Variants in LOC102723971 observed in about 807,000 individuals in gnomAD.
the LOC102723971 span, chr9:135,618,982 T>C: frequency 9.9e-6 from 4 of 402,224 alleles, no homozygotes; most frequent in Admixed American, 1.3e-4. Context: ...GGAGTCTTCC[T>C]GCCTGGGCCC....
At chr9:135,617,523 C>T in the LOC102723971 span, among the ~76,000 whole-genome samples, 1 of 151,036 alleles carries the variant, frequency 6.6e-6, no homozygotes, top group African/African-American at 2.4e-5. Context: ...AGCCGGAGCC[C>T]GAGCCCAGGA....
the LOC102723971 span, among the ~76,000 whole-genome samples, chr9:135,618,423 G>A: frequency 1.3e-5 from 2 of 152,140 alleles, no homozygotes; most frequent in Non-Finnish European, 2.9e-5. Flanking sequence ...GGCCAGGCCT[G>A]TTCTGGGAGT....
the LOC102723971 span, among the ~76,000 whole-genome samples, chr9:135,618,627 T>C: frequency 6.6e-6 from 1 of 150,904 alleles, no homozygotes; most frequent in East Asian, 2.0e-4. Context: ...TGAGATGAGG[T>C]GAGGGAGGAA....
At chr9:135,617,064 C>T in the LOC102723971 span, 9 of 398,444 alleles carry the variant, frequency 2.3e-5, no homozygotes, top group Non-Finnish European at 4.0e-5. Flanking sequence ...TGCCTCAGAC[C>T]CCAGACATGA....
the LOC102723971 span, among the ~76,000 whole-genome samples, chr9:135,616,428 T>C: frequency 1.5e-4 from 23 of 152,276 alleles, no homozygotes; most frequent in South Asian, 4.8e-3. Flanking sequence ...CCCTTGAGTC[T>C]GGGGAGCTGA....
At chr9:135,618,595 G>A in the LOC102723971 span, among the ~76,000 whole-genome samples, 2 of 152,038 alleles carry the variant, frequency 1.3e-5, no homozygotes, top group Admixed American at 6.5e-5. Context: ...GTGTGAGCAC[G>A]GGCCGCCAGG....
the LOC102723971 span, among the ~76,000 whole-genome samples, chr9:135,618,776 C>T: frequency 6.6e-6 from 1 of 151,942 alleles, no homozygotes; most frequent in Non-Finnish European, 1.5e-5. Context: ...AGCACAGGGC[C>T]CTGGCAGGAC....
At chr9:135,617,063 C>A in the LOC102723971 span, 1 of 398,582 alleles carries the variant, frequency 2.5e-6, no homozygotes, top group Non-Finnish European at 4.4e-6. Flanking sequence ...GTGCCTCAGA[C>A]CCCAGACATG....
At chr9:135,618,962 T>G in the LOC102723971 span, 1 of 400,642 alleles carries the variant, frequency 2.5e-6, no homozygotes, top group Non-Finnish European at 4.4e-6. Flanking sequence ...AGCCTAGGTC[T>G]GGCGGTTCTG....
the LOC102723971 span, among the ~76,000 whole-genome samples, chr9:135,617,755 C>T: frequency 6.6e-6 from 1 of 152,130 alleles, no homozygotes; most frequent in African/African-American, 2.4e-5. Flanking sequence ...TCAGAGCTGG[C>T]CGGGCCTGGG....
the LOC102723971 span, among the ~76,000 whole-genome samples, chr9:135,619,755 T>G: frequency 6.6e-6 from 1 of 151,968 alleles, no homozygotes; most frequent in African/African-American, 2.4e-5. Context: ...GGGCAGGCTC[T>G]GAGGAAATTG....
At chr9:135,617,093 C>T in the LOC102723971 span, 5 of 398,000 alleles carry the variant, frequency 1.3e-5, no homozygotes, top group African/African-American at 1.0e-4. Flanking sequence ...CTGCTGGACA[C>T]TCCCGGCTCT....
the LOC102723971 span, chr9:135,615,432 T>A: frequency 2.5e-6 from 1 of 398,820 alleles, no homozygotes; most frequent in Non-Finnish European, 4.4e-6. Flanking sequence ...GCCGACCCCC[T>A]GAGGCTCGCT....
At chr9:135,617,979 T>G in the LOC102723971 span, 45 of 398,572 alleles carry the variant, frequency 1.1e-4, no homozygotes, top group Middle Eastern at 6.2e-4. Flanking sequence ...CCCAAATGGC[T>G]GGGAAGATAC....
the LOC102723971 span, among the ~76,000 whole-genome samples, chr9:135,618,196 G>A: frequency 3.8e-4 from 58 of 152,134 alleles, no homozygotes; most frequent in East Asian, 8.9e-3. Flanking sequence ...AGGGGCTGCC[G>A]GATCTTACCA....
chr9:135,614,421 C>T, the LOC102723971 span: 1 of 392,664 alleles, frequency 2.5e-6, no homozygotes, highest in East Asian at 3.6e-5. Flanking sequence ...TGAGGAGGTG[C>T]AGGGGGTGGG....
At chr9:135,614,259 C>T in the LOC102723971 span, 7 of 398,578 alleles carry the variant, frequency 1.8e-5, no homozygotes, top group Admixed American at 4.4e-5. Context: ...GAGAAAGGCC[C>T]GCTCCTGCTG....
At chr9:135,616,838 TG>T in the LOC102723971 span, 132 of 398,100 alleles carry the variant, frequency 3.3e-4, no homozygotes, top group Admixed American at 1.7e-3. Flanking sequence ...CCACAGGGCA[TG>T]GGGGGGTCCA....
the LOC102723971 span, among the ~76,000 whole-genome samples, chr9:135,619,364 G>A: frequency 1.3e-5 from 2 of 152,240 alleles, no homozygotes; most frequent in East Asian, 3.9e-4. Flanking sequence ...AGTCCCAGGT[G>A]CCTCCGATGC....
Sources: allele counts gnomAD v4.1 joint callset (sites outside exome capture counted in the v4.1 genomes callset), GRCh38; gene constraint gnomAD v4.1.1; transcripts MANE v1.5.